GSAP: variants seen among roughly 807,000 people sequenced by gnomAD.
The protein encoded by GSAP is gamma-secretase-activating protein.
A neutral mutation model predicts 131.7 loss-of-function variants in GSAP; 118 were observed. That is an observed-to-expected ratio of 0.90 (90% CI 0.77 to 1.04). GSAP has a LOEUF of 1.04. Ranked by LOEUF, GSAP falls within the 50% of genes least tolerant of loss-of-function variation. The pLI is 0.00. For missense variants in GSAP, 1,019 were observed against 1,013.2 expected (o/e 1.01, Z -0.08); for synonymous variants, 381 against 363.4 (o/e 1.05, Z -0.55).
At chr7:77,373,225 T>C (rs1796396497) in intron 12 of GSAP, among the ~76,000 whole-genome samples, 1 of 152,332 alleles carries the variant, frequency 6.6e-6, no homozygotes, top group Non-Finnish European at 1.5e-5. Context: ...TGTGCACTTA[T>C]GTAATGTCTA....
chr7:77,372,049 C>T (rs545967856), intron 12 of GSAP, among the ~76,000 whole-genome samples: 2 of 152,348 alleles, frequency 1.3e-5, no homozygotes, highest in Non-Finnish European at 2.9e-5. Flanking sequence ...AAGTTCACAA[C>T]ATCACCTGTG....
intron 3 of GSAP, 45 bp downstream of exon 3, chr7:77,404,514 C>A: frequency 1.0e-6 from 1 of 960,440 alleles, no homozygotes; most frequent in South Asian, 1.4e-5. Context: ...ACAAAGAAAA[C>A]TCTAAAGGCA....
chr7:77,386,497 A>G (rs1236485096), intron 6 of GSAP, among the ~76,000 whole-genome samples: 1 of 152,220 alleles, frequency 6.6e-6, no homozygotes, highest in African/African-American at 2.4e-5. Flanking sequence ...AGATCAGTAT[A>G]TAATTTTGTT....
intron 7 of GSAP, among the ~76,000 whole-genome samples, chr7:77,381,756 A>G (rs909389426): frequency 5.3e-5 from 8 of 152,036 alleles, no homozygotes; most frequent in African/African-American, 1.9e-4. Context: ...GTATGAACAT[A>G]CCAGATAAAA....
intron 5 of GSAP, among the ~76,000 whole-genome samples, chr7:77,393,819 G>A (rs549155572): frequency 2.3e-4 from 35 of 151,902 alleles, no homozygotes; most frequent in African/African-American, 7.2e-4. Flanking sequence ...GATTACAGGC[G>A]TGTGCCACCA....
At chr7:77,389,662 T>C (rs1221737095) in intron 5 of GSAP, among the ~76,000 whole-genome samples, 3 of 152,200 alleles carry the variant, frequency 2.0e-5, no homozygotes, top group Admixed American at 6.5e-5. Flanking sequence ...ATGTGCCACA[T>C]TTTCTTAATC....
chr7:77,368,820 G>T (rs1055559005), intron 12 of GSAP, among the ~76,000 whole-genome samples: 7 of 152,174 alleles, frequency 4.6e-5, no homozygotes, highest in Admixed American at 6.5e-5. Flanking sequence ...TAGATTGTTA[G>T]TTGCAAAGAA....
At chr7:77,409,635 A>G (rs1365029972) in intron 1 of GSAP, among the ~76,000 whole-genome samples, 1 of 152,240 alleles carries the variant, frequency 6.6e-6, no homozygotes, top group African/African-American at 2.4e-5. Context: ...ACACGACTCA[A>G]AACTTCTGGA....
In GSAP at chr7:77,388,144, G is replaced by A. The variant is rs551550215; in HGVS notation, c.368-696C>T. ...TTGACATTTCTACAAATTCAACAGA[G>A]ACACAGAAAAGATCTCAAGGGAGAA... On this transcript the variant is annotated intron_variant, in intron 5 of 30. Transcript: ENST00000257626. Among the ~76,000 whole-genome samples, 3 of 152,300 alleles carry A rather than the reference G, an allele frequency of 2.0e-5. No individual in the cohort carries two copies. The South Asian group carries it at 6.2e-4, about 32-fold the overall frequency.
chr7:77,339,492 A>T (rs1303972838), intron 19 of GSAP, among the ~76,000 whole-genome samples: 1 of 152,128 alleles, frequency 6.6e-6, no homozygotes, highest in Non-Finnish European at 1.5e-5. Context: ...TCATAGAGAG[A>T]TCTACAGTGC....
intron 19 of GSAP, among the ~76,000 whole-genome samples, chr7:77,346,192 C>T (rs995039343): frequency 6.9e-6 from 1 of 144,928 alleles, no homozygotes; most frequent in Admixed American, 7.2e-5. Context: ...ATCGCTTGAA[C>T]CCAGGAGGCA....
intron 12 of GSAP, among the ~76,000 whole-genome samples, chr7:77,363,239 G>A (rs1309318967): frequency 6.6e-6 from 1 of 152,206 alleles, no homozygotes; most frequent in Non-Finnish European, 1.5e-5. Context: ...CTTTCCAGGT[G>A]AGTCTTGACC....
chr7:77,343,916 A>C (rs1584378856), intron 19 of GSAP, among the ~76,000 whole-genome samples: 1 of 152,234 alleles, frequency 6.6e-6, no homozygotes, highest in African/African-American at 2.4e-5. Context: ...TCAGTGTTCC[A>C]TCTGCTATTC....
At chr7:77,341,791 T>G (rs779772214) in intron 19 of GSAP, among the ~76,000 whole-genome samples, 5 of 152,194 alleles carry the variant, frequency 3.3e-5, no homozygotes, top group Non-Finnish European at 7.3e-5. Flanking sequence ...TAACCTCACC[T>G]TCAAGATGTA....
chr7:77,397,058 C>G, intron 4 of GSAP, 23 bp from the exon 5 acceptor site: 2 of 1,520,070 alleles, frequency 1.3e-6, no homozygotes, highest in South Asian at 1.2e-5. Context: ...GAAAAAAAAT[C>G]CATTAGCAAT....
intron 19 of GSAP, among the ~76,000 whole-genome samples, chr7:77,339,957 G>A (rs1790651897): frequency 6.6e-6 from 1 of 152,090 alleles, no homozygotes; most frequent in Admixed American, 6.6e-5. Context: ...CTGAGCCCAA[G>A]CTAAGCTATC....
chr7:77,361,714 TA>T (rs1190403324), intron 13 of GSAP, among the ~76,000 whole-genome samples: 3 of 152,166 alleles, frequency 2.0e-5, no homozygotes, highest in Non-Finnish European at 4.4e-5. Context: ...TTTAAGGAAT[TA>T]AACAAGCAAA....
chr7:77,376,541 C>T (rs1049516536), intron 10 of GSAP, among the ~76,000 whole-genome samples: 5 of 151,886 alleles, frequency 3.3e-5, no homozygotes, highest in Admixed American at 6.6e-5. Context: ...TTTGGGAGGC[C>T]GAGGCAGGTG....
intron 4 of GSAP, 89 bp from the exon 5 acceptor site, chr7:77,397,124 G>C: frequency 1.2e-6 from 1 of 842,800 alleles, no homozygotes; most frequent in Non-Finnish European, 1.9e-6. Context: ...ATAGATGAGG[G>C]CTCAAAGGAT....
Sources: allele counts gnomAD v4.1 joint callset (sites outside exome capture counted in the v4.1 genomes callset), GRCh38; gene constraint gnomAD v4.1.1; transcripts MANE v1.5; gene names NCBI Gene and HGNC (gene_info 2026-07-23, HGNC 2026-07-21).